ADAMTS17: variants seen among roughly 807,000 people sequenced by gnomAD.
ADAMTS17 encodes A disintegrin and metalloproteinase with thrombospondin motifs 17.
A neutral mutation model predicts 141.5 loss-of-function variants in ADAMTS17; 113 were observed. The ratio of observed to expected loss-of-function variants is 0.80; its 90% confidence interval spans 0.69 to 0.93. The LOEUF (loss-of-function observed/expected upper bound fraction) is 0.93. Ranked by LOEUF, ADAMTS17 falls within the 40% of genes least tolerant of loss-of-function variation. ADAMTS17 has a pLI of 0.00. For synonymous variants in ADAMTS17, 768 were observed against 630.6 expected (o/e 1.22, Z -3.27); for missense variants, 1,659 against 1,517.9 (o/e 1.09, Z -1.54).
intron 8 of ADAMTS17, among the ~76,000 whole-genome samples, chr15:100,190,821 G>C (rs1186359028): frequency 2.6e-5 from 4 of 152,218 alleles, no homozygotes; most frequent in African/African-American, 4.8e-5. Context: ...TCAAGTAAAG[G>C]TGAAGTGAGT....
At chr15:100,270,480 C>G (rs1227720620) in intron 4 of ADAMTS17, among the ~76,000 whole-genome samples, 1 of 152,018 alleles carries the variant, frequency 6.6e-6, no homozygotes, top group East Asian at 1.9e-4. Flanking sequence ...AAAAGGCTCT[C>G]CAGAAGCAAA....
rs192917786 is a variant in ADAMTS17 at position 100,237,396 on chromosome 15, C to T, written c.1075+16740G>A. ...TCACCCCTGGGAAGCCTCAGCCCTG[C>T]CCTGGCTGAGCAGCTCTGTCCTGGC... On this transcript the variant is annotated intron_variant, in intron 7 of 21. Transcript: ENST00000268070. Among the ~76,000 whole-genome samples, 27 of 152,278 alleles carry T rather than the reference C, an allele frequency of 1.8e-4. No individual in the cohort carries two copies. In the East Asian group the frequency reaches 4.8e-3, roughly 27 times the overall value.
In ADAMTS17 at chr15:100,261,536, T is replaced by C. The variant is rs750958526; in HGVS notation, c.974A>G (p.Gln325Arg). 2.0e-5 allele frequency: 32 copies of C among 1,614,078 alleles called. No individual in the cohort carries two copies. Among genetic ancestry groups the C allele is most frequent in the Non-Finnish European group, 2.6e-5 (31 of 1,180,044 alleles). The change falls in exon 6 of 22, where the codon CAG becomes CGG. Residue 325 changes from glutamine (Q) to arginine (R), a missense_variant. Coordinates refer to ENST00000268070, the MANE Select transcript of ADAMTS17 (RefSeq NM_139057.4). ...YGGARYLGNN[Q>R]VPGGKDDPPL... ...CGGGTCGTCCTTCCCGCCGGGAACC[T>C]GGTTATTGCCGAGGTATCGCGCTCC...
At chr15:100,250,032 C>G (rs1283743612) in intron 7 of ADAMTS17, among the ~76,000 whole-genome samples, 1 of 152,136 alleles carries the variant, frequency 6.6e-6, no homozygotes, top group Non-Finnish European at 1.5e-5. Flanking sequence ...GAATTGCACA[C>G]TTAAAAATGC....
chr15:100,117,160 T>G (rs1174065442), intron 12 of ADAMTS17, 147 bp from the exon 13 acceptor site: 1 of 914,640 alleles, frequency 1.1e-6, no homozygotes. Flanking sequence ...ACAGACCAAA[T>G]GCCCACAATC....
In ADAMTS17 at chr15:99,995,551, G is replaced by A. The variant is rs553115105; in HGVS notation, c.2796+1834C>T. Among the ~76,000 whole-genome samples, 11 of 152,278 alleles carry A rather than the reference G, an allele frequency of 7.2e-5. No homozygotes were observed. The South Asian group carries it at 2.1e-3, about 29-fold the overall frequency. ...CCTGCAAGCTGAGGACAGGAGAAAC[G>A]CACTACCTTTTCCTTCCTTCTGGAT... is the stretch of plus-strand genomic sequence containing the variant. On this transcript the variant is annotated intron_variant, in intron 19 of 21. Coordinates refer to ENST00000268070, the MANE Select transcript of ADAMTS17 (RefSeq NM_139057.4).
chr15:100,147,257 G>T (rs1289340437), intron 10 of ADAMTS17, among the ~76,000 whole-genome samples: 3 of 152,076 alleles, frequency 2.0e-5, no homozygotes, highest in African/African-American at 4.8e-5. Context: ...ACCAGCTGAT[G>T]CTTAAGGAAA....
chr15:100,260,734 A>T (rs1268434629), intron 6 of ADAMTS17, among the ~76,000 whole-genome samples: 1 of 152,204 alleles, frequency 6.6e-6, no homozygotes, highest in African/African-American at 2.4e-5. Flanking sequence ...TTTACTTCCA[A>T]ATTCACAGAG....
intron 7 of ADAMTS17, among the ~76,000 whole-genome samples, chr15:100,250,703 A>C (rs1232246010): frequency 6.6e-6 from 1 of 152,190 alleles, no homozygotes; most frequent in Non-Finnish European, 1.5e-5. Flanking sequence ...AAATGAGTGC[A>C]TGCAGAAACC....
intron 19 of ADAMTS17, among the ~76,000 whole-genome samples, chr15:99,994,314 A>G (rs1351175304): frequency 6.6e-6 from 1 of 152,208 alleles, no homozygotes; most frequent in Non-Finnish European, 1.5e-5. Context: ...AGTTATAACA[A>G]ACTCAACTTT....
At chr15:100,167,556 T>C (rs541622506) in intron 8 of ADAMTS17, among the ~76,000 whole-genome samples, 1 of 152,288 alleles carries the variant, frequency 6.6e-6, no homozygotes, top group South Asian at 2.1e-4. Flanking sequence ...CGGGCTGCAC[T>C]GTGTGCTGTG....
chr15:100,197,508 A>C (rs1165288965), intron 8 of ADAMTS17, among the ~76,000 whole-genome samples: 2 of 152,202 alleles, frequency 1.3e-5, no homozygotes, highest in African/African-American at 2.4e-5. Flanking sequence ...CAGGATTTTA[A>C]GAACTCAGAG....
At chr15:100,158,115 T>C (rs1432166701) in intron 8 of ADAMTS17, among the ~76,000 whole-genome samples, 1 of 152,128 alleles carries the variant, frequency 6.6e-6, no homozygotes, top group African/African-American at 2.4e-5. Context: ...TCTCAACCTC[T>C]TGACCTTGTG....
intron 7 of ADAMTS17, among the ~76,000 whole-genome samples, chr15:100,244,675 G>A (rs1040507539): frequency 2.0e-4 from 31 of 152,078 alleles, no homozygotes; most frequent in African/African-American, 6.8e-4. Flanking sequence ...ACAGGACCTT[G>A]AGGGCCACTG....
intron 10 of ADAMTS17, among the ~76,000 whole-genome samples, chr15:100,142,284 C>T (rs773717438): frequency 1.3e-5 from 2 of 152,108 alleles, no homozygotes; most frequent in African/African-American, 4.8e-5. Flanking sequence ...ATCTGCAGGA[C>T]GTGAGAAAGG....
chr15:100,205,605 C>G (rs955123109), intron 7 of ADAMTS17, among the ~76,000 whole-genome samples: 1 of 152,166 alleles, frequency 6.6e-6, no homozygotes, highest in Non-Finnish European at 1.5e-5. Context: ...GCTTCTGAAA[C>G]AGGCCCTGAT....
In ADAMTS17 at chr15:99,974,018, T is replaced by A; in HGVS notation, c.*384A>T. On this transcript the variant is annotated 3_prime_UTR_variant, in exon 22 of 22. Coordinates refer to ENST00000268070, the MANE Select transcript of ADAMTS17 (RefSeq NM_139057.4). ...ATAAAGCCTTTTCTAGCATGTCTCGTTTTGGGGATGTTTCCTCCATGATAT... is the reference window on the plus strand; with the variant it reads ...ATAAAGCCTTTTCTAGCATGTCTCGATTTGGGGATGTTTCCTCCATGATAT... 3.0e-6 allele frequency: 1 copy of A among 334,330 alleles called. No homozygotes were observed. Among genetic ancestry groups the A allele is most frequent in the Non-Finnish European group, 5.7e-6 (1 of 174,440 alleles). 20.7% of individuals were successfully genotyped at this position (334,330 alleles called of 1,614,324 possible). A position where few individuals can be genotyped will look rare whatever the true frequency, so the allele number is the denominator to read the frequency against.
chr15:99,981,981 G>A (rs1311114631), intron 20 of ADAMTS17, among the ~76,000 whole-genome samples: 1 of 152,236 alleles, frequency 6.6e-6, no homozygotes, highest in Non-Finnish European at 1.5e-5. Context: ...CAGGCGGCAG[G>A]GGGAAGGGGT....
chr15:100,196,922 C>T (rs1274848524), intron 8 of ADAMTS17, among the ~76,000 whole-genome samples: 1 of 152,180 alleles, frequency 6.6e-6, no homozygotes, highest in African/African-American at 2.4e-5. Context: ...AGGGGGAGGG[C>T]CAAATGCTAG....
Sources: gnomAD v4.1 joint callset for allele counts (sites outside exome capture counted in the v4.1 genomes callset) on GRCh38, gnomAD v4.1.1 for gene constraint, MANE v1.5 for transcripts, NCBI Gene and HGNC (gene_info 2026-07-23, HGNC 2026-07-21) for gene names.